SNX10: variants seen among roughly 807,000 people sequenced by gnomAD.
SNX10 encodes sorting nexin 10, also known as sorting nexin-10.
In SNX10, 25 loss-of-function variants were observed where a neutral mutation model predicts 28.5. The ratio of observed to expected loss-of-function variants is 0.88; its 90% CI spans 0.64 to 1.22. The LOEUF (loss-of-function observed/expected upper bound fraction) is 1.22. Ranked by LOEUF, SNX10 falls within the 50% of genes most tolerant of loss-of-function variation. SNX10 has a pLI of 0.00. For missense variants in SNX10, 223 were observed against 242.6 expected (o/e 0.92, Z 0.54); for synonymous variants, 62 against 81.4 (o/e 0.76, Z 1.28).
At chr7:26,319,850 T>C (rs1227812911) in intron 1 of SNX10, among the ~76,000 whole-genome samples, 1 of 152,174 alleles carries the variant, frequency 6.6e-6, no homozygotes, top group Non-Finnish European at 1.5e-5. Flanking sequence ...TCCAGGACGT[T>C]TCCTTCCCTA....
In SNX10 at chr7:26,364,162, T is replaced by TGG. The variant is rs1789198745; in HGVS notation, c.112-372_112-371dup. Among the ~76,000 whole-genome samples the TGG allele has an allele frequency of 6.6e-6, 1 of 152,156 alleles. No homozygotes were observed. Among genetic ancestry groups the TGG allele is most frequent in the African/African-American group, 2.4e-5 (1 of 41,428 alleles). On this transcript the variant is annotated intron_variant, in intron 3 of 6. Transcript: ENST00000338523. This position sits in a 1 kb window ranked among gnomAD's most constrained non-coding sequence, Gnocchi z 4.9. The stretch of plus-strand genomic sequence containing the variant: ...GCCCCAAAGTTTCCTCCAGCTTACG[T>TGG]GGATGGTGGTAAAATGCAACGGATG...
chr7:26,370,881 T>C (rs1584183297), intron 5 of SNX10, among the ~76,000 whole-genome samples: 1 of 152,162 alleles, frequency 6.6e-6, no homozygotes. Flanking sequence ...TATTGAACTA[T>C]CAGTAGAGAC....
At chr7:26,360,719 C>G in intron 2 of SNX10, 2 of 665,206 alleles carry the variant, frequency 3.0e-6, no homozygotes, top group Non-Finnish European at 4.3e-6. Context: ...CTTCAGATAA[C>G]CAGTAAAACT....
intron 1 of SNX10, among the ~76,000 whole-genome samples, chr7:26,309,524 T>C (rs973162074): frequency 1.3e-5 from 2 of 152,150 alleles, no homozygotes; most frequent in African/African-American, 4.8e-5. Flanking sequence ...GCCGAGTGAA[T>C]GCACTGCACT....
At chr7:26,336,579 C>A (rs1433378354) in intron 1 of SNX10, among the ~76,000 whole-genome samples, 1 of 152,100 alleles carries the variant, frequency 6.6e-6, no homozygotes, top group Non-Finnish European at 1.5e-5. Context: ...GGTGTGCACA[C>A]CTGTAGTCCC....
chr7:26,339,200 C>T lies in SNX10; in HGVS notation c.-23-7220C>T, dbSNP rs561898857. ...CAGGAATGAATAAGGACATCTTAAGCGTTAGAAGCAAGATGGAGTCGGTTA... is the reference window on the plus strand; with the variant it reads ...CAGGAATGAATAAGGACATCTTAAGTGTTAGAAGCAAGATGGAGTCGGTTA... On this transcript the variant is annotated intron_variant, in intron 1 of 6. Transcript: ENST00000338523. Among the ~76,000 whole-genome samples the T allele has an allele frequency of 1.6e-4, 24 of 152,236 alleles. 1 individual carries two copies. The South Asian group carries it at 5.0e-3, about 32-fold the overall frequency.
rs555525819 is a variant in SNX10 at position 26,366,101 on chromosome 7, T to C, written c.311+956T>C. Among the ~76,000 whole-genome samples the C allele has an allele frequency of 1.4e-4, 22 of 152,338 alleles. 1 individual carries two copies. The South Asian group carries it at 4.3e-3, about 30-fold the overall frequency. Reference sequence around the variant, plus strand: ...CAATTTTGTAGATAAGGAAATAGGCTGAGTCATATGACTACTAGTTACTGA... The same window carrying C: ...CAATTTTGTAGATAAGGAAATAGGCCGAGTCATATGACTACTAGTTACTGA... On this transcript the variant is annotated intron_variant, in intron 5 of 6. Coordinates refer to ENST00000338523, the MANE Select transcript of SNX10 (RefSeq NM_013322.3).
chr7:26,313,576 T>G (rs564529927), intron 1 of SNX10, among the ~76,000 whole-genome samples: 28 of 152,164 alleles, frequency 1.8e-4, no homozygotes, highest in Non-Finnish European at 3.4e-4. Context: ...GTTAAATAAT[T>G]TAGGCATTAG....
At chr7:26,365,297 G>T (rs893213088) in intron 5 of SNX10, 152 bp downstream of exon 5, 1 of 547,402 alleles carries the variant, frequency 1.8e-6, no homozygotes, top group Non-Finnish European at 3.3e-6. Flanking sequence ...CTATATTAGA[G>T]CACCATCTTG....
intron 1 of SNX10, among the ~76,000 whole-genome samples, chr7:26,310,128 T>G (rs1786763688): frequency 6.6e-6 from 1 of 152,240 alleles, no homozygotes; most frequent in African/African-American, 2.4e-5. Flanking sequence ...CTAAATGCTT[T>G]CTTTCCTCAC....
chr7:26,370,788 T>G (rs2128028541), intron 5 of SNX10: 1 of 152,316 alleles, frequency 6.6e-6, no homozygotes, highest in Non-Finnish European at 1.5e-5. Flanking sequence ...CGGAAAAATC[T>G]TATGTTGGAC....
At chr7:26,318,358 C>G (rs998805698) in intron 1 of SNX10, among the ~76,000 whole-genome samples, 2 of 152,138 alleles carry the variant, frequency 1.3e-5, no homozygotes. Context: ...ATGCAGATAT[C>G]CAATCCAGCT....
intron 2 of SNX10, among the ~76,000 whole-genome samples, chr7:26,351,659 G>GT (rs796713404): frequency 4.2e-3 from 189 of 44,878 alleles, no homozygotes; most frequent in South Asian, 0.021. Context: ...TTTTTTTTTT[G>GT]TTTTTTTTTT....
chr7:26,303,237 C>T (rs1283779597), intron 1 of SNX10, among the ~76,000 whole-genome samples: 1 of 152,208 alleles, frequency 6.6e-6, no homozygotes, highest in South Asian at 2.1e-4. Context: ...GAGAAACTTT[C>T]CTAAGTTAGC....
At position 26,291,914 on chromosome 7, in the gene SNX10, C is replaced by CGCGGGGAGCGCGGGGAG. The variant is rs1562775883; in HGVS notation, c.-196_-195insGCGGGGAGCGCGGGGAG. ...GCTGGCGCTGAGCGCGGGCGCGGGG[C>CGCGGGGAGCGCGGGGAG]CGCTACGTGCGCGGGGAGCGCGGGG... On this transcript the variant is annotated 5_prime_UTR_variant, in exon 1 of 7. Coordinates refer to ENST00000338523, the MANE Select transcript of SNX10 (RefSeq NM_013322.3). The CGCGGGGAGCGCGGGGAG allele has an allele frequency of 2.2e-5, 3 of 137,962 alleles. No individual in the cohort carries two copies. The highest frequency in any genetic ancestry group is 7.6e-5 in the Admixed American group (1 of 13,230). The allele number at this position is 137,962 out of a possible 1,614,324, so 8.5% of individuals were successfully genotyped here.
At chr7:26,324,112 G>A (rs537104549) in intron 1 of SNX10, among the ~76,000 whole-genome samples, 1 of 152,288 alleles carries the variant, frequency 6.6e-6, no homozygotes, top group Non-Finnish European at 1.5e-5. Context: ...TCCTGAAGCA[G>A]CCTGAATGCT....
chr7:26,371,905 G>GT lies in SNX10; in HGVS notation c.397dup (p.Cys133LeufsTer7), dbSNP rs1257277805. 1 of 1,613,380 alleles carries GT rather than the reference G, an allele frequency of 6.2e-7. No individual in the cohort carries two copies. Among genetic ancestry groups the GT allele is most frequent in the Non-Finnish European group, 8.5e-7 (1 of 1,179,650 alleles). On this transcript the variant is annotated frameshift_variant, in exon 6 of 7. Coordinates refer to ENST00000338523, the MANE Select transcript of SNX10 (RefSeq NM_013322.3). LOFTEE classifies it high-confidence loss of function. ...ATCTGAATTCAGAAGACATTGAGGC[G>GT]TGTGTTTCTGGGCAGACTAAGTACT...
rs901111886 is a variant in SNX10 at position 26,346,344 on chromosome 7, G to C, written c.-23-76G>C. On this transcript the variant is annotated intron_variant, in intron 1 of 6. Coordinates refer to ENST00000338523, the MANE Select transcript of SNX10 (RefSeq NM_013322.3). Reference sequence around the variant, plus strand: ...GGGGGGGCTCTGTCAGGGGATTTGGGTGGGAGGCCATGAGTGGTGTATCCA... The same window carrying C: ...GGGGGGGCTCTGTCAGGGGATTTGGCTGGGAGGCCATGAGTGGTGTATCCA... 5 of 890,040 alleles carry C rather than the reference G, an allele frequency of 5.6e-6. No homozygotes were observed. The Admixed American group carries it at 6.8e-5, about 12-fold the overall frequency. 55.1% of individuals were successfully genotyped at this position (890,040 alleles called of 1,614,324 possible).
At chr7:26,322,832 G>A (rs1399616446) in intron 1 of SNX10, among the ~76,000 whole-genome samples, 1 of 152,116 alleles carries the variant, frequency 6.6e-6, no homozygotes, top group Non-Finnish European at 1.5e-5. Flanking sequence ...ATTATGTGCC[G>A]AGCACTGGGG....
Sources: allele counts gnomAD v4.1 joint callset (sites outside exome capture counted in the v4.1 genomes callset), GRCh38; gene constraint gnomAD v4.1.1; non-coding constraint Gnocchi (gnomAD v3.1); transcripts MANE v1.5; gene names NCBI Gene and HGNC (gene_info 2026-07-23, HGNC 2026-07-21).